Variants in C8orf34 observed in about 807,000 individuals in gnomAD.
The protein encoded by C8orf34 is uncharacterized protein C8orf34.
Under a neutral mutation model 68.3 loss-of-function variants are expected in C8orf34, and 65 were observed. That is an observed-to-expected ratio of 0.95 (90% confidence interval 0.78 to 1.17). The LOEUF (loss-of-function observed/expected upper bound fraction) is 1.17. C8orf34 is among the 50% of genes most tolerant of loss of function. The probability of loss-of-function intolerance (pLI) is 0.00; values close to 1 mark genes in which losing one functional copy is unlikely to be tolerated. For missense variants in C8orf34, 664 were observed against 655.4 expected (o/e 1.01, Z -0.14); for synonymous variants, 244 against 241.2 (o/e 1.01, Z -0.11).
intron 8 of C8orf34, among the ~76,000 whole-genome samples, chr8:68,691,630 G>A (rs576140664): frequency 6.6e-6 from 1 of 152,124 alleles, no homozygotes; most frequent in African/African-American, 2.4e-5. Context: ...ATTGATTTTA[G>A]TTATCACTGT....
intron 12 of C8orf34, among the ~76,000 whole-genome samples, chr8:68,795,206 T>C (rs910781556): frequency 3.3e-5 from 5 of 152,182 alleles, no homozygotes; most frequent in African/African-American, 1.2e-4. Context: ...TCTCATACTG[T>C]AATTTATTTG....
At chr8:68,395,654 T>C (rs1334919092) in intron 1 of C8orf34, among the ~76,000 whole-genome samples, 1 of 152,138 alleles carries the variant, frequency 6.6e-6, no homozygotes, top group Non-Finnish European at 1.5e-5. Context: ...AAAGCTAAGA[T>C]CCTTGTGGTT....
chr8:68,371,519 A>G (rs1807561471), intron 1 of C8orf34, among the ~76,000 whole-genome samples: 1 of 152,016 alleles, frequency 6.6e-6, no homozygotes, highest in Admixed American at 6.6e-5. Flanking sequence ...TTTTATGACT[A>G]GTGTTGAAGC....
chr8:68,668,842 G>T (rs1819921484), intron 8 of C8orf34, among the ~76,000 whole-genome samples: 1 of 152,138 alleles, frequency 6.6e-6, no homozygotes, highest in East Asian at 1.9e-4. Flanking sequence ...TGTGACCTGT[G>T]AGCAGTTCTT....
chr8:68,512,785 C>CAA (rs112918287), intron 5 of C8orf34, among the ~76,000 whole-genome samples: 26,607 of 136,064 alleles, frequency 0.2, 3,310 homozygotes, highest in African/African-American at 0.37. Context: ...AACCTTTTAC[C>CAA]AAAAAAAAAA....
chr8:68,440,973 T>A (rs1810881036), intron 2 of C8orf34, among the ~76,000 whole-genome samples: 2 of 151,964 alleles, frequency 1.3e-5, no homozygotes, highest in African/African-American at 4.8e-5. Flanking sequence ...CCCAGCTAGT[T>A]TTTTGTATTT....
intron 4 of C8orf34, among the ~76,000 whole-genome samples, chr8:68,476,379 G>A (rs1406352420): frequency 6.6e-6 from 1 of 152,204 alleles, no homozygotes; most frequent in Non-Finnish European, 1.5e-5. Context: ...CAAAGGTCAA[G>A]GTACAGTAGG....
chr8:68,355,025 T>G (rs764237688), intron 1 of C8orf34, among the ~76,000 whole-genome samples: 3 of 152,116 alleles, frequency 2.0e-5, no homozygotes, highest in Non-Finnish European at 2.9e-5. Context: ...GCAAATAGCA[T>G]CTTAATATTT....
chr8:68,383,378 A>G (rs1488497049), intron 1 of C8orf34, among the ~76,000 whole-genome samples: 1 of 152,156 alleles, frequency 6.6e-6, no homozygotes, highest in African/African-American at 2.4e-5. Flanking sequence ...TGTGATGGTG[A>G]CTGGTAATGT....
intron 5 of C8orf34, among the ~76,000 whole-genome samples, chr8:68,516,285 C>T (rs190773530): frequency 2.2e-3 from 336 of 152,242 alleles, no homozygotes; most frequent in African/African-American, 7.8e-3. Context: ...TTTAAAAATT[C>T]GTTCAACACA....
At chr8:68,768,588 A>C (rs969394169) in intron 10 of C8orf34, among the ~76,000 whole-genome samples, 2 of 152,218 alleles carry the variant, frequency 1.3e-5, no homozygotes, top group Non-Finnish European at 2.9e-5. Flanking sequence ...AGAATATCTC[A>C]TAATAACTCA....
chr8:68,580,105 A>C (rs1817018881), intron 7 of C8orf34, among the ~76,000 whole-genome samples: 2 of 152,272 alleles, frequency 1.3e-5, no homozygotes, highest in African/African-American at 4.8e-5. Flanking sequence ...TGAGTAATAA[A>C]GTATACATAT....
intron 10 of C8orf34, among the ~76,000 whole-genome samples, chr8:68,724,080 G>A (rs1356982105): frequency 6.6e-6 from 1 of 152,102 alleles, no homozygotes; most frequent in Non-Finnish European, 1.5e-5. Context: ...GGACCCTGAA[G>A]CAGACAATTT....
rs577105330 is a variant in C8orf34, at chr8:68,685,244, G to T, written c.1242-23750G>T. 4.6e-5 allele frequency among the ~76,000 whole-genome samples: 7 copies of T among 152,032 alleles called. 1 individual carries two copies. The East Asian group carries it at 9.7e-4, about 21-fold the overall frequency. On this transcript the variant is annotated intron_variant, in intron 8 of 13. Coordinates refer to ENST00000518698, the MANE Select transcript of C8orf34 (RefSeq NM_052958.4). ...CCTCTTCATTATCTCTTTAGACAAG[G>T]GTTCACCATAGCATTCAGAGGCATA...
At chr8:68,501,467 G>A (rs10091735) in intron 5 of C8orf34, among the ~76,000 whole-genome samples, 49,481 of 152,036 alleles carry the variant, frequency 0.33, 9,214 homozygotes, top group Non-Finnish European at 0.43. Flanking sequence ...GAATCAACAG[G>A]GGACATTGTA....
intron 7 of C8orf34, among the ~76,000 whole-genome samples, chr8:68,541,535 A>G (rs1356563158): frequency 6.6e-6 from 1 of 152,276 alleles, no homozygotes; most frequent in East Asian, 1.9e-4. Flanking sequence ...TCATTTTAAT[A>G]CCAACGCCTC....
intron 11 of C8orf34, among the ~76,000 whole-genome samples, chr8:68,780,265 T>C (rs1823637766): frequency 6.6e-6 from 1 of 152,170 alleles, no homozygotes; most frequent in Admixed American, 6.5e-5. Flanking sequence ...AAATCAGGCA[T>C]GCTCGAAAAA....
chr8:68,483,720 A>T lies in C8orf34; in HGVS notation c.737-4303A>T, dbSNP rs572440973. ...GAGACCTCTTTGGAGTTGAGAATAA[A>T]TGGAAAGGCCTATAAATTAAATGAC... is the stretch of plus-strand genomic sequence containing the variant. On this transcript the variant is annotated intron_variant, in intron 4 of 13. Coordinates refer to ENST00000518698, the MANE Select transcript of C8orf34 (RefSeq NM_052958.4). Among the ~76,000 whole-genome samples the T allele has an allele frequency of 1.1e-4, 17 of 152,320 alleles. No individual in the cohort carries two copies. The Middle Eastern group carries it at 0.01, about 91-fold the overall frequency.
intron 1 of C8orf34, among the ~76,000 whole-genome samples, chr8:68,393,145 A>G (rs1457664112): frequency 6.6e-6 from 1 of 152,180 alleles, no homozygotes; most frequent in Non-Finnish European, 1.5e-5. Flanking sequence ...AGGTGTAAGC[A>G]GGATTGGTCA....
Sources: gnomAD v4.1 joint callset for allele counts (sites outside exome capture counted in the v4.1 genomes callset) on GRCh38, gnomAD v4.1.1 for gene constraint, MANE v1.5 for transcripts, NCBI Gene and HGNC (gene_info 2026-07-23, HGNC 2026-07-21) for gene names.